The following GRM7 variants were observed in gnomAD, a reference collection of about 807,000 sequenced individuals.
GRM7 encodes the protein metabotropic glutamate receptor 7.
GRM7 carries 35 observed loss-of-function variants against 84.5 expected under a neutral mutation model. The observed-to-expected ratio is 0.41, with a 90% CI of 0.32 to 0.55. The LOEUF (loss-of-function observed/expected upper bound fraction) is 0.55. Ranked by LOEUF, GRM7 falls within the 20% of genes least tolerant of loss-of-function variation. The pLI is 0.19. For missense variants in GRM7, 1,003 were observed against 1,194.6 expected (o/e 0.84, Z 2.36); for synonymous variants, 487 against 455.1 (o/e 1.07, Z -0.89).
intron 7 of GRM7, among the ~76,000 whole-genome samples, chr3:7,549,440 T>C (rs189468779): frequency 6.6e-6 from 1 of 152,334 alleles, no homozygotes; most frequent in East Asian, 1.9e-4. Context: ...TTTATTTTTG[T>C]GTTTTCTGTC....
intron 1 of GRM7, among the ~76,000 whole-genome samples, chr3:7,011,226 G>A (rs373231042): frequency 1.5e-4 from 23 of 152,062 alleles, no homozygotes; most frequent in African/African-American, 5.6e-4. Context: ...ATGGTACCTG[G>A]CACATACATT....
intron 2 of GRM7, among the ~76,000 whole-genome samples, chr3:7,284,533 A>C (rs1186503678): frequency 6.6e-6 from 1 of 152,164 alleles, no homozygotes; most frequent in African/African-American, 2.4e-5. Flanking sequence ...AGATTTAATC[A>C]ACATTCAGTA....
chr3:6,972,461 A>C (rs17046502), intron 1 of GRM7, among the ~76,000 whole-genome samples: 3,248 of 152,278 alleles, frequency 0.021, 124 homozygotes, highest in African/African-American at 0.072. Flanking sequence ...GATACAAATC[A>C]TGTGAGGTTC....
intron 1 of GRM7, among the ~76,000 whole-genome samples, chr3:6,874,529 A>G (rs543750250): frequency 6.6e-6 from 1 of 152,248 alleles, no homozygotes; most frequent in Non-Finnish European, 1.5e-5. Flanking sequence ...GGATTACATC[A>G]TTTTCTTCTC....
At chr3:7,716,082 G>A (rs1287803500) in intron 9 of GRM7, among the ~76,000 whole-genome samples, 1 of 152,110 alleles carries the variant, frequency 6.6e-6, no homozygotes, top group African/African-American at 2.4e-5. Context: ...TTGAATGCAG[G>A]GGTATCTGAG....
intron 2 of GRM7, among the ~76,000 whole-genome samples, chr3:7,160,848 G>T (rs1441308370): frequency 1.3e-5 from 2 of 151,986 alleles, no homozygotes; most frequent in Non-Finnish European, 2.9e-5. Flanking sequence ...GTAATGCTCA[G>T]CATCCGTATC....
intron 1 of GRM7, among the ~76,000 whole-genome samples, chr3:7,011,244 C>A (rs1379340929): frequency 6.6e-6 from 1 of 152,014 alleles, no homozygotes; most frequent in African/African-American, 2.4e-5. Context: ...ATTAATGTTA[C>A]CAATAATAAC....
At chr3:7,464,656 C>T (rs1698387139) in intron 7 of GRM7, among the ~76,000 whole-genome samples, 1 of 151,814 alleles carries the variant, frequency 6.6e-6, no homozygotes, top group Admixed American at 6.6e-5. Flanking sequence ...CTGTGAAACC[C>T]CGTCTCTAAA....
chr3:7,305,346 T>TAGAAAACTGTCATTTCCTGCC (rs1348865386), intron 3 of GRM7, among the ~76,000 whole-genome samples: 1 of 89,584 alleles, frequency 1.1e-5, no homozygotes, highest in African/African-American at 3.3e-5. Flanking sequence ...TTTTTTTCTT[T>TAGAAAACTGTCATTTCCTGCC]TTTTTTTTTT....
chr3:7,395,513 A>G (rs1695175683), intron 4 of GRM7, among the ~76,000 whole-genome samples: 1 of 152,140 alleles, frequency 6.6e-6, no homozygotes, highest in Admixed American at 6.6e-5. Flanking sequence ...CCCCACCCAA[A>G]TCTCACCTTG....
chr3:7,570,235 C>T (rs1257982127), intron 7 of GRM7, among the ~76,000 whole-genome samples: 3 of 152,146 alleles, frequency 2.0e-5, no homozygotes, highest in Non-Finnish European at 2.9e-5. Flanking sequence ...ATTCCAAAAC[C>T]AATCAAGCCT....
intron 1 of GRM7, among the ~76,000 whole-genome samples, chr3:7,048,467 A>G (rs745537849): frequency 6.6e-6 from 1 of 151,908 alleles, no homozygotes; most frequent in Non-Finnish European, 1.5e-5. Context: ...TGCTGACCAA[A>G]GAAAATGTAG....
intron 5 of GRM7, among the ~76,000 whole-genome samples, chr3:7,420,019 T>A (rs17655411): frequency 0.11 from 16,831 of 152,188 alleles, 1,151 homozygotes; most frequent in South Asian, 0.26. Flanking sequence ...AGGTCAGAAT[T>A]CTTAAGCTGT....
intron 7 of GRM7, among the ~76,000 whole-genome samples, chr3:7,484,374 T>G (rs1453462456): frequency 6.6e-6 from 1 of 152,212 alleles, no homozygotes; most frequent in Non-Finnish European, 1.5e-5. Flanking sequence ...CCACTGTGGC[T>G]ATCTTCTAAA....
At chr3:7,312,633 G>A (rs943305430) in intron 4 of GRM7, among the ~76,000 whole-genome samples, 1 of 151,972 alleles carries the variant, frequency 6.6e-6, no homozygotes, top group East Asian at 1.9e-4. Context: ...CCAATATGTT[G>A]GTTTAAAATG....
At chr3:7,590,279 A>G (rs1213899876) in intron 8 of GRM7, among the ~76,000 whole-genome samples, 1 of 152,182 alleles carries the variant, frequency 6.6e-6, no homozygotes. Context: ...GACAGTATTC[A>G]GACTCTTTCT....
chr3:7,607,491 G>A (rs1426595638), intron 8 of GRM7: 2 of 152,096 alleles, frequency 1.3e-5, no homozygotes, highest in African/African-American at 2.4e-5. Flanking sequence ...TGTTGTCTTA[G>A]GACAAAACTA....
intron 1 of GRM7, among the ~76,000 whole-genome samples, chr3:7,029,328 C>CAAAAAAAAAA (rs1239487786): frequency 7.1e-6 from 1 of 140,054 alleles, no homozygotes; most frequent in African/African-American, 2.7e-5. Context: ...AAAAAAAAAA[C>CAAAAAAAAAA]AAACAAAAAA....
chr3:7,425,211 C>T (rs1237475204), intron 5 of GRM7, among the ~76,000 whole-genome samples: 2 of 152,126 alleles, frequency 1.3e-5, no homozygotes, highest in African/African-American at 4.8e-5. Context: ...TTTTGGTCCG[C>T]ACTGATAAAC....
Sources: gnomAD v4.1 joint callset for allele counts (sites outside exome capture counted in the v4.1 genomes callset) on GRCh38, gnomAD v4.1.1 for gene constraint, MANE v1.5 for transcripts, NCBI Gene and HGNC (gene_info 2026-07-23, HGNC 2026-07-21) for gene names.